Variants in YBX1 observed in about 807,000 individuals in gnomAD.
YBX1 encodes Y-box-binding protein 1.
In YBX1, 3 loss-of-function variants were observed where a neutral mutation model predicts 41.4. The ratio of observed to expected loss-of-function variants is 0.07; its 90% CI spans 0.03 to 0.19. The LOEUF is 0.19. Among genes scored for constraint, YBX1 ranks in the 10% least tolerant of loss-of-function variants. The pLI is 1.00. For synonymous variants in YBX1, 133 were observed against 165.8 expected, an observed-to-expected ratio of 0.80 and a Z score of 1.52; for missense variants, 274 against 462.8, an observed-to-expected ratio of 0.59 and a Z score of 3.74.
At chr1:42,695,249 G>C (rs1235906842) in intron 3 of YBX1, among the ~76,000 whole-genome samples, 2 of 152,194 alleles carry the variant, frequency 1.3e-5, no homozygotes, top group East Asian at 3.9e-4. Flanking sequence ...ATTGGCCTCA[G>C]ATTCGTTGAT....
intron 6 of YBX1, among the ~76,000 whole-genome samples, chr1:42,697,804 C>A (rs1650498495): frequency 6.6e-6 from 1 of 151,948 alleles, no homozygotes; most frequent in African/African-American, 2.4e-5. Context: ...TATTAGAAAT[C>A]TTATTAATAG....
rs774019726 is a variant in YBX1, at chr1:42,700,773, C to T, written c.741-8C>T. 1.4e-5 allele frequency: 22 copies of T among 1,606,566 alleles called. No individual in the cohort carries two copies. The highest frequency in any genetic ancestry group is 1.9e-5 in the Non-Finnish European group (22 of 1,177,152). On this transcript the variant is annotated splice_region_variant and splice_polypyrimidine_tract_variant and intron_variant, in intron 6 of 7. Transcript: ENST00000321358. Reference sequence around the variant, plus strand: ...TATCATTCTTAAGTTTGACACCGTTCATTGCAGGGGCCCTCCTCGCCAAAG... The same window carrying T: ...TATCATTCTTAAGTTTGACACCGTTTATTGCAGGGGCCCTCCTCGCCAAAG...
chr1:42,685,728 A>G (rs780319488), intron 2 of YBX1, among the ~76,000 whole-genome samples: 4 of 152,206 alleles, frequency 2.6e-5, no homozygotes, highest in South Asian at 4.1e-4. Flanking sequence ...TATATATGCT[A>G]GGATTGTAAG....
chr1:42,693,619 A>C, intron 3 of YBX1, 96 bp downstream of exon 3: 1 of 1,297,518 alleles, frequency 7.7e-7, no homozygotes, highest in South Asian at 1.3e-5. Context: ...TAAAAGGTTA[A>C]GTCCAACCAC....
chr1:42,688,374 T>C (rs74070005), intron 2 of YBX1, among the ~76,000 whole-genome samples: 1,742 of 152,316 alleles, frequency 0.011, 27 homozygotes, highest in African/African-American at 0.04. Context: ...TGTTTTATTA[T>C]TTACTACCAT....
chr1:42,691,292 A>G (rs546158915), intron 2 of YBX1, among the ~76,000 whole-genome samples: 2 of 152,088 alleles, frequency 1.3e-5, no homozygotes, highest in Non-Finnish European at 2.9e-5. Flanking sequence ...ATATCTATCT[A>G]TGTACCCACA....
intron 7 of YBX1, among the ~76,000 whole-genome samples, chr1:42,701,329 A>G (rs900597149): frequency 2.0e-5 from 3 of 152,144 alleles, no homozygotes; most frequent in Admixed American, 2.0e-4. Flanking sequence ...ACTTTTCTGA[A>G]TGAATTTTAT....
intron 6 of YBX1, 47 bp downstream of exon 6, chr1:42,697,309 T>G: frequency 6.3e-7 from 1 of 1,585,670 alleles, no homozygotes. Flanking sequence ...CTCAAACCCG[T>G]GTTAGGACTC....
At chr1:42,693,190 A>T (rs955984434) in intron 2 of YBX1, among the ~76,000 whole-genome samples, 19 of 152,094 alleles carry the variant, frequency 1.2e-4, no homozygotes, top group Non-Finnish European at 2.4e-4. Flanking sequence ...GTTTAATAGG[A>T]TAAGGAGGGG....
At chr1:42,693,623 C>T in intron 3 of YBX1, 100 bp downstream of exon 3, 4 of 1,246,398 alleles carry the variant, frequency 3.2e-6, no homozygotes, top group Non-Finnish European at 4.6e-6. Context: ...AGGTTAAGTC[C>T]AACCACCAGT....
intron 2 of YBX1, among the ~76,000 whole-genome samples, chr1:42,691,262 G>C (rs1650321278): frequency 6.6e-6 from 1 of 152,210 alleles, no homozygotes; most frequent in Non-Finnish European, 1.5e-5. Context: ...ACACTGGTCA[G>C]TGAACTGTGT....
In YBX1 at chr1:42,696,512, C is replaced by CT; in HGVS notation, c.355-130_355-129insT. 6.9e-6 allele frequency: 2 copies of CT among 290,464 alleles called. No individual in the cohort carries two copies. Among genetic ancestry groups the CT allele is most frequent in the Non-Finnish European group, 1.1e-5 (2 of 182,698 alleles). The allele number at this position is 290,464 out of a possible 1,614,324, so 18.0% of individuals were successfully genotyped here. A position where few individuals can be genotyped will look rare whatever the true frequency, so the allele number is the denominator to read the frequency against. On this transcript the variant is annotated intron_variant, in intron 4 of 7. Coordinates refer to ENST00000321358, the MANE Select transcript of YBX1 (RefSeq NM_004559.5). This position sits in a 1 kb window ranked among gnomAD's most constrained non-coding sequence, Gnocchi z 5.7. The stretch of plus-strand genomic sequence containing the variant: ...GTGCACCCCTGGTCACGCAGTTGCG[C>CT]CCCCCCCCCCTTTTTTTTCCTTAAC...
rs1463730957 is a variant in YBX1, at chr1:42,703,294, G to T, written c.*1345G>T. ...TGCTTTGTGAAATAGTCATGTAGTTGATAGTGACTGCTGCCCCGAAACACT... is the reference window on the plus strand; with the variant it reads ...TGCTTTGTGAAATAGTCATGTAGTTTATAGTGACTGCTGCCCCGAAACACT... On this transcript the variant is annotated 3_prime_UTR_variant, in exon 8 of 8. Coordinates refer to ENST00000321358, the MANE Select transcript of YBX1 (RefSeq NM_004559.5). Among the ~76,000 whole-genome samples, 1 of 152,024 alleles carries T rather than the reference G, an allele frequency of 6.6e-6. No homozygotes were observed. The highest frequency in any genetic ancestry group is 1.5e-5 in the Non-Finnish European group (1 of 68,032).
At chr1:42,683,010 C>G (rs1650086056) in intron 1 of YBX1, 1 of 266,976 alleles carries the variant, frequency 3.7e-6, no homozygotes, top group Non-Finnish European at 7.7e-6. Context: ...GGGTCCCCTC[C>G]CCGCCGACCG....
chr1:42,691,251 G>T (rs1650321088), intron 2 of YBX1, among the ~76,000 whole-genome samples: 1 of 152,176 alleles, frequency 6.6e-6, no homozygotes, highest in Non-Finnish European at 1.5e-5. Flanking sequence ...TTACTGTCAT[G>T]ACACTGGTCA....
chr1:42,682,883 T>G, intron 1 of YBX1, 152 bp downstream of exon 1: 1 of 219,408 alleles, frequency 4.6e-6, no homozygotes, highest in East Asian at 8.3e-5. Flanking sequence ...CCTCACTCCC[T>G]CTCGCGGGGA....
Position 42,696,510 on chromosome 1 carries a change from C to CG in YBX1, c.355-131dup. 1.3e-6 allele frequency: 1 copy of CG among 741,442 alleles called. No homozygotes were observed. The highest frequency in any genetic ancestry group is 2.0e-6 in the Non-Finnish European group (1 of 490,082). 45.9% of individuals were successfully genotyped at this position (741,442 alleles called of 1,614,324 possible). On this transcript the variant is annotated intron_variant, in intron 4 of 7. Coordinates refer to ENST00000321358, the MANE Select transcript of YBX1 (RefSeq NM_004559.5). This position sits in a 1 kb window ranked among gnomAD's most constrained non-coding sequence, Gnocchi z 5.7. Reference sequence around the variant, plus strand: ...CTGTGCACCCCTGGTCACGCAGTTGCGCCCCCCCCCCCTTTTTTTTCCTTA... The same window carrying CG: ...CTGTGCACCCCTGGTCACGCAGTTGCGGCCCCCCCCCCCTTTTTTTTCCTTA...
At position 42,700,928 on chromosome 1, in the gene YBX1, A is replaced by G. The variant is rs1356825963; in HGVS notation, c.888A>G (p.Lys296=). 1.2e-6 allele frequency: 2 copies of G among 1,613,866 alleles called. No homozygotes were observed. Among genetic ancestry groups the G allele is most frequent in the East Asian group, 2.2e-5 (1 of 44,856 alleles). Residue 296 remains lysine, a synonymous_variant, in exon 7 of 8, where the codon AAA becomes AAG. Transcript: ENST00000321358. ...NYRRRRPENP[K]PQDGKETKAA... ...GACGCAGACGCCCAGAAAACCCTAA[A>G]CCACAAGATGGCAAAGAGACAAAAG...
At chr1:42,689,894 CTAGTATTAGTGAA>C (rs2148737294) in intron 2 of YBX1, among the ~76,000 whole-genome samples, 1 of 152,228 alleles carries the variant, frequency 6.6e-6, no homozygotes, top group Non-Finnish European at 1.5e-5. Flanking sequence ...AGAAATCTGG[CTAGTATTAGTGAA>C]TAGTAAATGC....
Sources: allele counts gnomAD v4.1 joint callset (sites outside exome capture counted in the v4.1 genomes callset), GRCh38; gene constraint gnomAD v4.1.1; non-coding constraint Gnocchi (gnomAD v3.1); transcripts MANE v1.5; gene names NCBI Gene and HGNC (gene_info 2026-07-23, HGNC 2026-07-21).